The following LHFPL3 variants were observed in gnomAD, a reference collection of about 807,000 sequenced individuals.
The protein encoded by LHFPL3 is LHFPL tetraspan subfamily member 3, also known as LHFPL tetraspan subfamily member 3 protein.
In LHFPL3, 5 loss-of-function variants were observed where a neutral mutation model predicts 19.3. The ratio of observed to expected loss-of-function variants is 0.26; its 90% confidence interval spans 0.14 to 0.54. The LOEUF (loss-of-function observed/expected upper bound fraction) is 0.54. Ranked by LOEUF, LHFPL3 falls within the 20% of genes least tolerant of loss-of-function variation. The pLI, the probability that LHFPL3 is intolerant of heterozygous loss-of-function variation, is 0.94. For missense variants in LHFPL3, 249 were observed against 307.4 expected (o/e 0.81, Z 1.42); for synonymous variants, 133 against 126.2 (o/e 1.05, Z -0.36).
chr7:104,332,591 A>T (rs1801591465), intron 1 of LHFPL3, among the ~76,000 whole-genome samples: 1 of 152,180 alleles, frequency 6.6e-6, no homozygotes, highest in Non-Finnish European at 1.5e-5. Flanking sequence ...ATATTACAAT[A>T]TAAAAAATTA....
At chr7:104,633,003 T>C (rs1403043948) in intron 1 of LHFPL3, among the ~76,000 whole-genome samples, 1 of 152,166 alleles carries the variant, frequency 6.6e-6, no homozygotes, top group African/African-American at 2.4e-5. Flanking sequence ...GTCTCAATAA[T>C]CATGTGAGCA....
At chr7:104,546,170 A>G (rs1794575957) in intron 1 of LHFPL3, among the ~76,000 whole-genome samples, 1 of 152,202 alleles carries the variant, frequency 6.6e-6, no homozygotes, top group Non-Finnish European at 1.5e-5. Flanking sequence ...ACAAGACTGT[A>G]TTTAGAGGAT....
intron 1 of LHFPL3, among the ~76,000 whole-genome samples, chr7:104,481,111 G>A (rs1342136104): frequency 6.6e-6 from 1 of 152,056 alleles, no homozygotes; most frequent in Non-Finnish European, 1.5e-5. Flanking sequence ...CTACACTTGT[G>A]CAAAGAAGGA....
At chr7:104,559,954 T>C (rs1335366817) in intron 1 of LHFPL3, among the ~76,000 whole-genome samples, 2 of 150,562 alleles carry the variant, frequency 1.3e-5, no homozygotes, top group South Asian at 2.1e-4. Flanking sequence ...GTTTTTGTCG[T>C]TGGTTCTGTT....
At chr7:104,889,676 G>C (rs952325975) in intron 2 of LHFPL3, among the ~76,000 whole-genome samples, 2 of 152,084 alleles carry the variant, frequency 1.3e-5, no homozygotes, top group Non-Finnish European at 2.9e-5. Context: ...CTTTTCCAAA[G>C]AGCATTTTCT....
chr7:104,688,538 C>CT (rs1792847010), intron 1 of LHFPL3, among the ~76,000 whole-genome samples: 1 of 150,180 alleles, frequency 6.7e-6, no homozygotes, highest in Admixed American at 6.7e-5. Flanking sequence ...TCTAAAGAGA[C>CT]TTTTTTGCCA....
intron 1 of LHFPL3, among the ~76,000 whole-genome samples, chr7:104,598,365 A>G (rs1790903633): frequency 6.6e-6 from 1 of 152,254 alleles, no homozygotes; most frequent in Non-Finnish European, 1.5e-5. Flanking sequence ...GCAAATTTTA[A>G]ACATGTGGAA....
intron 1 of LHFPL3, among the ~76,000 whole-genome samples, chr7:104,505,038 G>T (rs1033780031): frequency 2.0e-5 from 3 of 152,096 alleles, no homozygotes; most frequent in Non-Finnish European, 2.9e-5. Flanking sequence ...CACATATACT[G>T]CTATGTATAC....
intron 1 of LHFPL3, among the ~76,000 whole-genome samples, chr7:104,447,054 T>C (rs889286760): frequency 6.6e-6 from 1 of 152,220 alleles, no homozygotes; most frequent in Admixed American, 6.5e-5. Flanking sequence ...TGAAACAGTG[T>C]CACATTAGGG....
At chr7:104,511,476 A>G (rs1793811389) in intron 1 of LHFPL3, among the ~76,000 whole-genome samples, 1 of 152,220 alleles carries the variant, frequency 6.6e-6, no homozygotes. Flanking sequence ...CATTTTTCCC[A>G]GAGAAATGAA....
chr7:104,736,383 T>G (rs2116301206), intron 1 of LHFPL3, among the ~76,000 whole-genome samples: 1 of 152,270 alleles, frequency 6.6e-6, no homozygotes, highest in South Asian at 2.1e-4. Context: ...TTCTTAATAT[T>G]TTCTTAACCT....
intron 1 of LHFPL3, among the ~76,000 whole-genome samples, chr7:104,456,504 G>A (rs148303713): frequency 4.6e-5 from 7 of 152,266 alleles, no homozygotes; most frequent in African/African-American, 1.2e-4. Context: ...TAAACTGTGC[G>A]TGGATTTCTC....
intron 1 of LHFPL3, among the ~76,000 whole-genome samples, chr7:104,351,864 C>T (rs1467718416): frequency 6.6e-6 from 1 of 152,106 alleles, no homozygotes; most frequent in African/African-American, 2.4e-5. Context: ...TCTCTATATC[C>T]TGTTACATCG....
In LHFPL3 at chr7:104,328,695, G is replaced by GCTCC; in HGVS notation, c.-84_-81dup. ...AGGCAGGGGAGTTGCAGCGCGCGAG[G>GCTCC]CTCCGTGAGTGTGTCTCCTGCGCGC... On this transcript the variant is annotated 5_prime_UTR_variant, in exon 1 of 3. Transcript: ENST00000424859. The surrounding 1 kb of genome is among the most constrained non-coding windows in gnomAD (Gnocchi z 4.6). 8.2e-7 allele frequency: 1 copy of GCTCC among 1,224,296 alleles called. No homozygotes were observed. The highest frequency in any genetic ancestry group is 1.1e-6 in the Non-Finnish European group (1 of 874,310). 75.8% of individuals were successfully genotyped at this position (1,224,296 alleles called of 1,614,324 possible).
At chr7:104,672,804 A>G (rs1217579871) in intron 1 of LHFPL3, among the ~76,000 whole-genome samples, 18 of 151,382 alleles carry the variant, frequency 1.2e-4, no homozygotes, top group Admixed American at 1.1e-3. Context: ...ACCTGCATCT[A>G]CCTTCCACCC....
chr7:104,597,651 C>G (rs568980822), intron 1 of LHFPL3, among the ~76,000 whole-genome samples: 3 of 152,256 alleles, frequency 2.0e-5, no homozygotes, highest in Admixed American at 1.3e-4. Flanking sequence ...TTCTAAGGAA[C>G]TAGAATTATC....
chr7:104,579,860 C>A (rs983141187), intron 1 of LHFPL3, among the ~76,000 whole-genome samples: 1 of 152,162 alleles, frequency 6.6e-6, no homozygotes, highest in Non-Finnish European at 1.5e-5. Context: ...TTGGAGCTGA[C>A]TGCATATCTA....
intron 1 of LHFPL3, among the ~76,000 whole-genome samples, chr7:104,471,727 C>A (rs1230503074): frequency 2.0e-5 from 3 of 152,102 alleles, no homozygotes; most frequent in Non-Finnish European, 1.5e-5. Flanking sequence ...ATTAATAGAA[C>A]CAGAAAGCTG....
intron 1 of LHFPL3, among the ~76,000 whole-genome samples, chr7:104,593,012 G>T (rs991938786): frequency 4.6e-5 from 7 of 152,104 alleles, no homozygotes; most frequent in Non-Finnish European, 7.4e-5. Context: ...GATTTTTTTT[G>T]AAGGGTTTTT....
Sources: allele counts gnomAD v4.1 joint callset (sites outside exome capture counted in the v4.1 genomes callset), GRCh38; gene constraint gnomAD v4.1.1; non-coding constraint Gnocchi (gnomAD v3.1); transcripts MANE v1.5; gene names NCBI Gene and HGNC (gene_info 2026-07-23, HGNC 2026-07-21).